ZMYND8: variants seen among roughly 807,000 people sequenced by gnomAD.
ZMYND8 encodes zinc finger MYND-type containing 8, also known as MYND-type zinc finger-containing chromatin reader ZMYND8.
In ZMYND8, 37 loss-of-function variants were observed where a neutral mutation model predicts 140.8. The observed-to-expected ratio is 0.26, with a 90% confidence interval of 0.20 to 0.35. The LOEUF (loss-of-function observed/expected upper bound fraction) is 0.35, where lower values mean the gene tolerates loss of function less well. Among genes scored for constraint, ZMYND8 ranks in the 10% least tolerant of loss-of-function variants. The pLI is 1.00. For missense variants in ZMYND8, 1,068 were observed against 1,570.0 expected (o/e 0.68, Z 5.40); for synonymous variants, 592 against 597.1 (o/e 0.99, Z 0.12).
At chr20:47,318,932 G>A (rs758762065) in intron 2 of ZMYND8, 78 of 1,348,146 alleles carry the variant, frequency 5.8e-5, no homozygotes, top group Non-Finnish European at 6.9e-5. Context: ...GGCAGGGAAC[G>A]CCAAGAGGAG....
At chr20:47,319,524 T>C (rs1007205052) in intron 2 of ZMYND8, 14 of 169,026 alleles carry the variant, frequency 8.3e-5, no homozygotes, top group African/African-American at 2.6e-4. Context: ...CCTTTCCCAC[T>C]AGACACAGCC....
chr20:47,290,097 G>T, intron 7 of ZMYND8, 90 bp downstream of exon 7: 2 of 1,244,372 alleles, frequency 1.6e-6, no homozygotes, highest in South Asian at 1.4e-5. Flanking sequence ...TTCTCAATAT[G>T]AATTAAGAGC....
At chr20:47,242,841 A>T (rs2147244706) in intron 14 of ZMYND8, among the ~76,000 whole-genome samples, 1 of 152,294 alleles carries the variant, frequency 6.6e-6, no homozygotes, top group Middle Eastern at 3.4e-3. Context: ...AGGAAATTTC[A>T]TTTGTCCCAG....
chr20:47,255,600 A>G (rs2074553294), intron 12 of ZMYND8, among the ~76,000 whole-genome samples: 3 of 133,322 alleles, frequency 2.3e-5, no homozygotes, highest in South Asian at 2.4e-4. Flanking sequence ...GTGTGTATAT[A>G]TATATATATA....
At chr20:47,219,055 ATTTTTTT>A (rs3092175) in intron 21 of ZMYND8, among the ~76,000 whole-genome samples, 2 of 110,942 alleles carry the variant, frequency 1.8e-5, no homozygotes, top group African/African-American at 6.7e-5. Context: ...CGTTTCTACA[ATTTTTTT>A]TTTTTTTTTT....
At chr20:47,224,060 A>G (rs963860516) in intron 19 of ZMYND8, among the ~76,000 whole-genome samples, 1 of 152,246 alleles carries the variant, frequency 6.6e-6, no homozygotes, top group Non-Finnish European at 1.5e-5. Flanking sequence ...CAACTTCAGT[A>G]CTACTGACAC....
At position 47,295,459 on chromosome 20, in the gene ZMYND8, G is replaced by A. The variant is rs1044537219; in HGVS notation, c.454-680C>T. ...TGATTTCAGGGTGATTACTTCACAG[G>A]ATGGGTACTTATCAACCATTTATCC... is the stretch of plus-strand genomic sequence containing the variant. On this transcript the variant is annotated intron_variant, in intron 4 of 22. Coordinates refer to ENST00000471951, the MANE Select transcript of ZMYND8 (RefSeq NM_001281775.3). 5.3e-5 allele frequency among the ~76,000 whole-genome samples: 8 copies of A among 152,172 alleles called. No homozygotes were observed. In the South Asian group the frequency reaches 6.2e-4, roughly 12 times the overall value.
intron 14 of ZMYND8, among the ~76,000 whole-genome samples, chr20:47,241,140 A>G (rs2039917005): frequency 6.6e-6 from 1 of 151,726 alleles, no homozygotes; most frequent in African/African-American, 2.4e-5. Context: ...CTAAAGATAC[A>G]AAAAATTAGC....
intron 22 of ZMYND8, among the ~76,000 whole-genome samples, chr20:47,211,884 A>G (rs1452250488): frequency 3.9e-5 from 6 of 152,174 alleles, no homozygotes; most frequent in Admixed American, 2.6e-4. Context: ...GTGGGTAATC[A>G]TGAGTTCTGG....
chr20:47,276,835 A>G (rs2076282613), intron 10 of ZMYND8, 40 bp from the exon 11 acceptor site: 2 of 1,510,090 alleles, frequency 1.3e-6, no homozygotes, highest in Non-Finnish European at 1.8e-6. Flanking sequence ...AGTCAACTTC[A>G]GTAATTTCCA....
At chr20:47,284,677 C>T (rs553092857) in intron 8 of ZMYND8, among the ~76,000 whole-genome samples, 2 of 152,180 alleles carry the variant, frequency 1.3e-5, no homozygotes, top group African/African-American at 4.8e-5. Context: ...ACCATGTTGC[C>T]CTATTTCAGC....
At chr20:47,221,219 C>T (rs547544131) in intron 20 of ZMYND8, 95 bp downstream of exon 20, 2 of 1,510,950 alleles carry the variant, frequency 1.3e-6, no homozygotes, top group East Asian at 4.5e-5. Flanking sequence ...AAGCCTCCCA[C>T]AACACGGAAC....
At chr20:47,333,829 A>C (rs1451920372) in intron 2 of ZMYND8, among the ~76,000 whole-genome samples, 4 of 150,270 alleles carry the variant, frequency 2.7e-5, no homozygotes, top group Admixed American at 1.3e-4. Context: ...AATCGCTTGA[A>C]CCAGGAAGCA....
Position 47,239,086 on chromosome 20 carries a change from T to C in ZMYND8, c.2337A>G (p.Glu779=), listed in dbSNP as rs1226244847. ...CGGAAGAGCGGGTGAGCACCGGTGT[T>C]TCCGGGGGAGAATGGCTGCCCACCG... The part of the protein sequence containing the change: ...STTVGSHSPP[E]TPVLTRSSAQ... The change falls in exon 15 of 23, where the codon GAA becomes GAG. Residue 779 remains glutamate, a synonymous_variant. Transcript: ENST00000471951. 1 of 1,528,108 alleles carries C rather than the reference T, an allele frequency of 6.5e-7. No homozygotes were observed. Among genetic ancestry groups the C allele is most frequent in the Non-Finnish European group, 8.8e-7 (1 of 1,139,744 alleles). 94.7% of individuals were successfully genotyped at this position (1,528,108 alleles called of 1,614,324 possible).
chr20:47,277,306 C>T (rs771980468), intron 10 of ZMYND8, among the ~76,000 whole-genome samples: 17 of 152,272 alleles, frequency 1.1e-4, no homozygotes, highest in Non-Finnish European at 2.1e-4. Flanking sequence ...CGCCTCCAGG[C>T]GTGCACTTTC....
At chr20:47,268,823 C>T (rs992780037) in intron 11 of ZMYND8, among the ~76,000 whole-genome samples, 23 of 151,356 alleles carry the variant, frequency 1.5e-4, no homozygotes, top group African/African-American at 5.6e-4. Flanking sequence ...CTTTTTCATA[C>T]AAAAATATCA....
At chr20:47,224,589 C>T (rs1228452660) in intron 18 of ZMYND8, 33 bp from the exon 19 acceptor site, 87 of 1,608,758 alleles carry the variant, frequency 5.4e-5, no homozygotes, top group Non-Finnish European at 7.0e-5. Context: ...CCGCTCATCA[C>T]CTGACCCCAG....
intron 2 of ZMYND8, among the ~76,000 whole-genome samples, chr20:47,326,407 G>A (rs557325231): frequency 1.3e-5 from 2 of 152,248 alleles, no homozygotes; most frequent in East Asian, 3.9e-4. Context: ...CGGCCTCCCA[G>A]TTATTCTTGA....
intron 2 of ZMYND8, among the ~76,000 whole-genome samples, chr20:47,326,381 C>T (rs973710109): frequency 2.6e-5 from 4 of 152,222 alleles, no homozygotes; most frequent in African/African-American, 9.6e-5. Flanking sequence ...GGATTCCAGG[C>T]GTGAGCCACC....
Sources: gnomAD v4.1 joint callset for allele counts (sites outside exome capture counted in the v4.1 genomes callset) on GRCh38, gnomAD v4.1.1 for gene constraint, MANE v1.5 for transcripts, NCBI Gene and HGNC (gene_info 2026-07-23, HGNC 2026-07-21) for gene names.